Variants in GALNTL6 observed in about 807,000 individuals in gnomAD.
The protein encoded by GALNTL6 is polypeptide N-acetylgalactosaminyltransferase like 6.
In GALNTL6, 46 loss-of-function variants were observed where a neutral mutation model predicts 73.7. The observed-to-expected ratio is 0.62, with a 90% confidence interval of 0.49 to 0.80. GALNTL6 has a LOEUF of 0.80. GALNTL6 is among the 30% of genes least tolerant of loss of function. The pLI is 0.00. For missense variants in GALNTL6, 604 were observed against 755.0 expected (o/e 0.80, Z 2.34); for synonymous variants, 259 against 263.7 (o/e 0.98, Z 0.17).
At chr4:172,258,824 C>T (rs1224406792) in intron 3 of GALNTL6, among the ~76,000 whole-genome samples, 1 of 151,242 alleles carries the variant, frequency 6.6e-6, no homozygotes. Context: ...TTAGCTCTCA[C>T]TTATAAGTGA....
At chr4:172,424,819 T>C (rs534897280) in intron 5 of GALNTL6, among the ~76,000 whole-genome samples, 3 of 152,180 alleles carry the variant, frequency 2.0e-5, no homozygotes, top group African/African-American at 7.2e-5. Context: ...CAAGAGAGGC[T>C]GGAAAATGTA....
At chr4:172,382,783 A>G (rs951871927) in intron 5 of GALNTL6, among the ~76,000 whole-genome samples, 16 of 151,974 alleles carry the variant, frequency 1.1e-4, no homozygotes, top group Non-Finnish European at 2.2e-4. Flanking sequence ...ATTGTGTGAA[A>G]TAGGGGGTCC....
At chr4:172,764,408 C>T (rs1021456805) in intron 5 of GALNTL6, among the ~76,000 whole-genome samples, 1 of 151,894 alleles carries the variant, frequency 6.6e-6, no homozygotes, top group African/African-American at 2.4e-5. Context: ...AATTTTCATG[C>T]TAGAATCTAT....
chr4:172,947,259 C>A (rs1356648931), intron 9 of GALNTL6, among the ~76,000 whole-genome samples: 3 of 151,762 alleles, frequency 2.0e-5, no homozygotes, highest in African/African-American at 7.3e-5. Context: ...CCACCCCATT[C>A]AAGTCTCTGC....
chr4:172,232,512 A>G (rs1737103985), intron 3 of GALNTL6, among the ~76,000 whole-genome samples: 1 of 152,038 alleles, frequency 6.6e-6, no homozygotes, highest in Non-Finnish European at 1.5e-5. Flanking sequence ...ATTCTTGTGC[A>G]TGGTTCTGGG....
intron 10 of GALNTL6, among the ~76,000 whole-genome samples, chr4:172,991,393 GT>G (rs568262994): frequency 1.3e-5 from 2 of 149,916 alleles, no homozygotes; most frequent in Non-Finnish European, 3.0e-5. Flanking sequence ...CCCAGTTTTT[GT>G]TTTTTTTTGT....
chr4:173,002,103 AG>A lies in GALNTL6; in HGVS notation c.1372-7074del. On this transcript the variant is annotated intron_variant, in intron 10 of 12. Coordinates refer to ENST00000506823, the MANE Select transcript of GALNTL6 (RefSeq NM_001034845.3). ...GCATTATTCACAGTAGCCAAAAAGT[AG>A]AAACAGGCCAGGAGCAGTGGCTCAC... 1.3e-5 allele frequency among the ~76,000 whole-genome samples: 2 copies of A among 152,358 alleles called. 1 individual carries two copies. Among genetic ancestry groups the A allele is most frequent in the Middle Eastern group, 6.8e-3 (2 of 294 alleles).
At chr4:172,289,663 G>A (rs916169581) in intron 3 of GALNTL6, among the ~76,000 whole-genome samples, 1 of 152,150 alleles carries the variant, frequency 6.6e-6, no homozygotes, top group Non-Finnish European at 1.5e-5. Context: ...ATCCTGGCAA[G>A]GGTCACTCTC....
intron 5 of GALNTL6, among the ~76,000 whole-genome samples, chr4:172,658,234 A>AG (rs1022457032): frequency 3.4e-5 from 5 of 147,270 alleles, no homozygotes; most frequent in African/African-American, 1.3e-4. Flanking sequence ...TGGGAGGCCG[A>AG]GACGGGTGGA....
At chr4:172,602,066 A>G (rs1738071751) in intron 5 of GALNTL6, among the ~76,000 whole-genome samples, 1 of 152,164 alleles carries the variant, frequency 6.6e-6, no homozygotes, top group Non-Finnish European at 1.5e-5. Context: ...AACTTCTAAT[A>G]TAAAGAAAAG....
intron 2 of GALNTL6, among the ~76,000 whole-genome samples, chr4:171,935,901 A>G (rs143632670): frequency 7.5e-4 from 114 of 152,254 alleles, no homozygotes; most frequent in African/African-American, 2.6e-3. Context: ...ATACCTAGTC[A>G]GGGTTAAAAA....
chr4:172,034,724 G>A (rs560222620), intron 2 of GALNTL6, among the ~76,000 whole-genome samples: 14 of 152,014 alleles, frequency 9.2e-5, no homozygotes, highest in African/African-American at 3.1e-4. Context: ...TGATAATTAT[G>A]CAAAAAAGAG....
At chr4:172,485,149 TA>T (rs1284357193) in intron 5 of GALNTL6, among the ~76,000 whole-genome samples, 1 of 152,136 alleles carries the variant, frequency 6.6e-6, no homozygotes, top group Non-Finnish European at 1.5e-5. Flanking sequence ...TTGTTCTACT[TA>T]AAACAATGAG....
chr4:172,550,696 C>T (rs1054262295), intron 5 of GALNTL6, among the ~76,000 whole-genome samples: 4 of 152,152 alleles, frequency 2.6e-5, no homozygotes, highest in South Asian at 2.1e-4. Flanking sequence ...CTCCTGGGCT[C>T]CAGCCATCCC....
intron 3 of GALNTL6, among the ~76,000 whole-genome samples, chr4:172,292,958 C>A (rs1312361419): frequency 6.6e-6 from 1 of 152,102 alleles, no homozygotes; most frequent in African/African-American, 2.4e-5. Context: ...CATTCCATTT[C>A]TATCGAAATG....
At chr4:172,826,828 T>G (rs1208790875) in intron 7 of GALNTL6, among the ~76,000 whole-genome samples, 2 of 152,226 alleles carry the variant, frequency 1.3e-5, no homozygotes, top group African/African-American at 2.4e-5. Flanking sequence ...TATGGGTAGA[T>G]TCTCAGTAAA....
At chr4:172,813,404 A>C (rs1449330430) in intron 6 of GALNTL6, 136 bp from the exon 7 acceptor site, 1 of 551,460 alleles carries the variant, frequency 1.8e-6, no homozygotes, top group Non-Finnish European at 3.1e-6. Context: ...ATTCCTGAAA[A>C]GGGCTCTAAG....
At chr4:172,228,161 T>A (rs1736930835) in intron 2 of GALNTL6, among the ~76,000 whole-genome samples, 1 of 152,322 alleles carries the variant, frequency 6.6e-6, no homozygotes, top group Non-Finnish European at 1.5e-5. Context: ...TTTTTTTAAA[T>A]GTTTGCTATA....
At chr4:172,267,617 G>T (rs1433054410) in intron 3 of GALNTL6, among the ~76,000 whole-genome samples, 1 of 151,962 alleles carries the variant, frequency 6.6e-6, no homozygotes, top group East Asian at 1.9e-4. Flanking sequence ...TGTGAATAAG[G>T]TTAACAAATG....
Sources: gnomAD v4.1 joint callset for allele counts (sites outside exome capture counted in the v4.1 genomes callset) on GRCh38, gnomAD v4.1.1 for gene constraint, MANE v1.5 for transcripts, NCBI Gene and HGNC (gene_info 2026-07-23, HGNC 2026-07-21) for gene names.